The following GRID2 variants were observed in gnomAD, a reference collection of about 807,000 sequenced individuals.
The protein encoded by GRID2 is glutamate ionotropic receptor delta type subunit 2.
A neutral mutation model predicts 114.8 loss-of-function variants in GRID2; 33 were observed. The ratio of observed to expected loss-of-function variants is 0.29; its 90% CI spans 0.22 to 0.38. GRID2 has a LOEUF of 0.38. GRID2 is among the 10% of genes least tolerant of loss of function. The pLI, the probability that GRID2 is intolerant of heterozygous loss-of-function variation, is 1.00. For synonymous variants in GRID2, 505 were observed against 449.9 expected (o/e 1.12, Z -1.55); for missense variants, 1,184 against 1,257.7 (o/e 0.94, Z 0.89).
At chr4:93,432,306 A>G (rs1173992585) in intron 10 of GRID2, among the ~76,000 whole-genome samples, 2 of 152,220 alleles carry the variant, frequency 1.3e-5, no homozygotes, top group Non-Finnish European at 2.9e-5. Flanking sequence ...AGGTTGAGAC[A>G]TGGTGGATAA....
chr4:93,763,977 A>T (rs886571352), intron 14 of GRID2, among the ~76,000 whole-genome samples: 2 of 152,192 alleles, frequency 1.3e-5, no homozygotes, highest in African/African-American at 2.4e-5. Context: ...GTATTTAAGG[A>T]CAAAATCAGA....
intron 9 of GRID2, among the ~76,000 whole-genome samples, chr4:93,411,874 C>T (rs1767171596): frequency 6.6e-6 from 1 of 151,204 alleles, no homozygotes; most frequent in Admixed American, 6.6e-5. Flanking sequence ...AGTTTTATTT[C>T]TCATTCCCTG....
At chr4:93,522,764 C>T (rs577273355) in intron 13 of GRID2, among the ~76,000 whole-genome samples, 260 of 151,976 alleles carry the variant, frequency 1.7e-3, no homozygotes, top group African/African-American at 5.9e-3. Flanking sequence ...TGAGATGACA[C>T]GTTTGAAGTT....
intron 2 of GRID2, among the ~76,000 whole-genome samples, chr4:93,004,291 A>G (rs1374265112): frequency 6.6e-6 from 1 of 151,896 alleles, no homozygotes; most frequent in Non-Finnish European, 1.5e-5. Flanking sequence ...CACAACCCTA[A>G]TCAACAACGT....
intron 2 of GRID2, among the ~76,000 whole-genome samples, chr4:92,792,799 A>C (rs1298645538): frequency 6.6e-6 from 1 of 151,734 alleles, no homozygotes; most frequent in Non-Finnish European, 1.5e-5. Flanking sequence ...GGAGTACTAA[A>C]CTAATTGAGT....
At chr4:93,123,565 C>G (rs1733988793) in intron 4 of GRID2, among the ~76,000 whole-genome samples, 1 of 152,032 alleles carries the variant, frequency 6.6e-6, no homozygotes, top group Non-Finnish European at 1.5e-5. Flanking sequence ...GGGATATAGA[C>G]TCATAAGGAA....
intron 1 of GRID2, among the ~76,000 whole-genome samples, chr4:92,442,435 T>G (rs59100028): frequency 0.36 from 54,528 of 151,224 alleles, 10,993 homozygotes; most frequent in African/African-American, 0.54. Context: ...GCAAGCTCCT[T>G]GGGGAGGAGG....
In GRID2 at chr4:92,414,751, A is replaced by T. The variant is rs541067948; in HGVS notation, c.88+110007A>T. On this transcript the variant is annotated intron_variant, in intron 1 of 15. Coordinates refer to ENST00000282020, the MANE Select transcript of GRID2 (RefSeq NM_001510.4). ...GGATGCTGCATGAAGGTTTTTTTATATTTAGTTTCTACTGGGACTATGTTA... is the reference window on the plus strand; with the variant it reads ...GGATGCTGCATGAAGGTTTTTTTATTTTTAGTTTCTACTGGGACTATGTTA... 4.6e-5 allele frequency among the ~76,000 whole-genome samples: 7 copies of T among 152,212 alleles called. No individual in the cohort carries two copies. The South Asian group carries it at 1.4e-3, about 32-fold the overall frequency.
chr4:92,503,977 A>G (rs1203294640), intron 1 of GRID2, among the ~76,000 whole-genome samples: 3 of 152,116 alleles, frequency 2.0e-5, no homozygotes, highest in Non-Finnish European at 4.4e-5. Context: ...TAAGAAATAA[A>G]AGTATGAAAA....
chr4:92,737,380 C>A (rs1469160272), intron 2 of GRID2, among the ~76,000 whole-genome samples: 1 of 151,956 alleles, frequency 6.6e-6, no homozygotes, highest in African/African-American at 2.4e-5. Flanking sequence ...AGAGTCTGCC[C>A]ATTTCAATTT....
At chr4:92,449,602 TTTA>T (rs35825661) in intron 1 of GRID2, among the ~76,000 whole-genome samples, 7,287 of 148,760 alleles carry the variant, frequency 0.049, 223 homozygotes, top group East Asian at 0.079. Context: ...AATATTCATA[TTTA>T]TTCTTAATTT....
intron 7 of GRID2, among the ~76,000 whole-genome samples, chr4:93,231,906 A>G (rs1030605172): frequency 6.6e-6 from 1 of 152,164 alleles, no homozygotes; most frequent in South Asian, 2.1e-4. Flanking sequence ...CCCAACTTAG[A>G]AAATAGATTA....
At chr4:92,933,054 T>A (rs1272982988) in intron 2 of GRID2, among the ~76,000 whole-genome samples, 1 of 150,942 alleles carries the variant, frequency 6.6e-6, no homozygotes, top group East Asian at 1.9e-4. Context: ...AATACTATAC[T>A]TAAAAACCTC....
chr4:93,341,977 T>G lies in GRID2; in HGVS notation c.1246-53630T>G, dbSNP rs141563849. On this transcript the variant is annotated intron_variant, in intron 8 of 15. Coordinates refer to ENST00000282020, the MANE Select transcript of GRID2 (RefSeq NM_001510.4). Reference sequence around the variant, plus strand: ...TATCCAGATCTACTCTCTTATCTTCTGAATTATTATCTGAATCTTCTCTCC... The same window carrying G: ...TATCCAGATCTACTCTCTTATCTTCGGAATTATTATCTGAATCTTCTCTCC... Among the ~76,000 whole-genome samples, 42 of 152,348 alleles carry G rather than the reference T, an allele frequency of 2.8e-4. No individual in the cohort carries two copies. The East Asian group carries it at 4.8e-3, about 17-fold the overall frequency.
chr4:92,875,157 T>G (rs945220184), intron 2 of GRID2, among the ~76,000 whole-genome samples: 1 of 143,268 alleles, frequency 7.0e-6, no homozygotes, highest in East Asian at 2.0e-4. Flanking sequence ...AGGTTTTTTT[T>G]TTTTTTTTTT....
intron 1 of GRID2, among the ~76,000 whole-genome samples, chr4:93,789,930 T>G (rs891933809): frequency 1.3e-5 from 2 of 152,162 alleles, no homozygotes; most frequent in Admixed American, 1.3e-4. Flanking sequence ...CTCCGCCTTT[T>G]GTCAGATCAG....
intron 1 of GRID2, among the ~76,000 whole-genome samples, chr4:92,525,707 G>C (rs896367964): frequency 1.3e-5 from 2 of 152,094 alleles, no homozygotes; most frequent in Non-Finnish European, 1.5e-5. Context: ...ATTTTGGGTT[G>C]AGCCAGGTTT....
At chr4:92,639,065 C>G (rs2064579493) in intron 2 of GRID2, among the ~76,000 whole-genome samples, 1 of 151,266 alleles carries the variant, frequency 6.6e-6, no homozygotes, top group African/African-American at 2.4e-5. Context: ...ATTTGTAAAC[C>G]AGACTGTAAT....
Position 93,457,781 on chromosome 4 carries a change from A to G in GRID2, c.1858+1807A>G, listed in dbSNP as rs1723345520. ...GGTTTTTGAATAGAAAATTATGTAT[A>G]TTGGATGTGGATCTCATTTACTGAA... On this transcript the variant is annotated intron_variant, in intron 11 of 15. Transcript: ENST00000282020. Among the ~76,000 whole-genome samples, 3 of 152,188 alleles carry G rather than the reference A, an allele frequency of 2.0e-5. No homozygotes were observed. In the South Asian group the frequency reaches 6.2e-4, roughly 32 times the overall value.
Sources: gnomAD v4.1 joint callset for allele counts (sites outside exome capture counted in the v4.1 genomes callset) on GRCh38, gnomAD v4.1.1 for gene constraint, MANE v1.5 for transcripts, NCBI Gene and HGNC (gene_info 2026-07-23, HGNC 2026-07-21) for gene names.